The following WWTR1 variants were observed in gnomAD, a reference collection of about 807,000 sequenced individuals.
WWTR1 encodes the protein WW domain-containing transcription regulator protein 1.
A neutral mutation model predicts 40.1 loss-of-function variants in WWTR1; 13 were observed. The observed-to-expected ratio is 0.32, with a 90% CI of 0.21 to 0.52. The LOEUF is 0.52. Among genes scored for constraint, WWTR1 ranks in the 20% least tolerant of loss-of-function variants. The pLI is 0.97. For synonymous variants in WWTR1, 230 were observed against 210.1 expected (o/e 1.09, Z -0.82); for missense variants, 436 against 523.1 (o/e 0.83, Z 1.63).
At chr3:149,679,244 T>A (rs926194517) in intron 1 of WWTR1, among the ~76,000 whole-genome samples, 1 of 152,258 alleles carries the variant, frequency 6.6e-6, no homozygotes, top group South Asian at 2.1e-4. Context: ...CATTTTGGAA[T>A]ACCAAGTTAA....
intron 1 of WWTR1, among the ~76,000 whole-genome samples, chr3:149,679,326 C>T (rs1202764335): frequency 9.9e-5 from 15 of 152,164 alleles, no homozygotes; most frequent in Non-Finnish European, 2.2e-4. Context: ...ATTTCCACAT[C>T]AGAAAATTAG....
At chr3:149,663,623 G>T (rs1203338133) in intron 2 of WWTR1, among the ~76,000 whole-genome samples, 1 of 152,086 alleles carries the variant, frequency 6.6e-6, no homozygotes, top group East Asian at 1.9e-4. Context: ...TTGAACCCAG[G>T]AGGCGGAGGC....
rs1560054356 is a variant in WWTR1 at position 149,547,353 on chromosome 3, C to T, written c.569-4816G>A. ...CAGCCTGGCCAACACAGTAAAACCC[C>T]GTCTCTACTAAAAATACAAAAAATT... is the stretch of plus-strand genomic sequence containing the variant. On this transcript the variant is annotated intron_variant, in intron 3 of 6. Transcript: ENST00000360632. Among the ~76,000 whole-genome samples, 3 of 151,736 alleles carry T rather than the reference C, an allele frequency of 2.0e-5. No homozygotes were observed. In the East Asian group the frequency reaches 5.8e-4, roughly 29 times the overall value.
chr3:149,548,239 G>C (rs1360063593), intron 3 of WWTR1, among the ~76,000 whole-genome samples: 1 of 152,130 alleles, frequency 6.6e-6, no homozygotes, highest in Non-Finnish European at 1.5e-5. Context: ...AAAGGTAAAG[G>C]CTTCAATCCT....
intron 2 of WWTR1, among the ~76,000 whole-genome samples, chr3:149,585,154 G>GTGTGTGTGTGTGT: frequency 6.6e-6 from 1 of 151,450 alleles, no homozygotes. Flanking sequence ...GTGTGTGTGT[G>GTGTGTGTGTGTGT]TTTAAGATGG....
At chr3:149,707,801 T>C (rs1156495575), upstream of WWTR1, among the ~76,000 whole-genome samples, 10 of 152,030 alleles carry the variant, frequency 6.6e-5, no homozygotes, top group Admixed American at 6.6e-4. Context: ...TGTCTCTTAC[T>C]GAACTTGCAA....
Position 149,560,135 on chromosome 3 carries a change from A to G in WWTR1, c.568+12729T>C, listed in dbSNP as rs553850855. On this transcript the variant is annotated intron_variant, in intron 3 of 6. Coordinates refer to ENST00000360632, the MANE Select transcript of WWTR1 (RefSeq NM_015472.6). ...ATTTAGGTCTTCTTGATAGGAGGAA[A>G]AATGAGCAAGCTAAGAGTGGAGGAT... 5.0e-4 allele frequency among the ~76,000 whole-genome samples: 76 copies of G among 152,338 alleles called. No individual in the cohort carries two copies. The Middle Eastern group carries it at 0.031, about 61-fold the overall frequency.
chr3:149,549,547 G>C lies in WWTR1; in HGVS notation c.569-7010C>G, dbSNP rs1028478855. ...AGCCTAAGGAGATATGATGAGTAAA[G>C]GTAATGGGGGCTGAGCGCCATGGCT... On this transcript the variant is annotated intron_variant, in intron 3 of 6. Coordinates refer to ENST00000360632, the MANE Select transcript of WWTR1 (RefSeq NM_015472.6). Among the ~76,000 whole-genome samples, 13 of 152,326 alleles carry C rather than the reference G, an allele frequency of 8.5e-5. 1 individual carries two copies. The highest frequency in any genetic ancestry group is 5.9e-4 in the Admixed American group (9 of 15,300).
At chr3:149,716,871 C>T (rs1446761577) in intron 5 of WWTR1, among the ~76,000 whole-genome samples, 1 of 152,056 alleles carries the variant, frequency 6.6e-6, no homozygotes, top group East Asian at 1.9e-4. Flanking sequence ...TGTGGGCATA[C>T]AGTCACAAGA....
chr3:149,693,244 A>G (rs1203518192), intron 1 of WWTR1, among the ~76,000 whole-genome samples: 3 of 152,218 alleles, frequency 2.0e-5, no homozygotes, highest in African/African-American at 7.2e-5. Flanking sequence ...ACTATAAATA[A>G]AATTAGATAC....
intron 2 of WWTR1, among the ~76,000 whole-genome samples, chr3:149,618,340 G>T (rs1576600452): frequency 6.6e-6 from 1 of 152,194 alleles, no homozygotes; most frequent in East Asian, 1.9e-4. Context: ...CAGACACTGA[G>T]GCGCTGGTAC....
At chr3:149,676,694 G>C (rs1408730427) in intron 1 of WWTR1, among the ~76,000 whole-genome samples, 1 of 152,094 alleles carries the variant, frequency 6.6e-6, no homozygotes, top group African/African-American at 2.4e-5. Context: ...TTCTAAACCG[G>C]GTCTGCCTAT....
intron 3 of WWTR1, among the ~76,000 whole-genome samples, chr3:149,559,993 T>C (rs1044882552): frequency 1.3e-5 from 2 of 152,132 alleles, no homozygotes; most frequent in Non-Finnish European, 2.9e-5. Flanking sequence ...ACACCCAGAA[T>C]AGGAAATTGC....
intron 2 of WWTR1, among the ~76,000 whole-genome samples, chr3:149,628,314 G>GA (rs1180567851): frequency 1.3e-5 from 2 of 152,064 alleles, no homozygotes; most frequent in East Asian, 1.9e-4. Context: ...AGCTTGCGGT[G>GA]GCCGAGATCA....
chr3:149,546,292 G>A (rs1736361330), intron 3 of WWTR1, among the ~76,000 whole-genome samples: 1 of 152,240 alleles, frequency 6.6e-6, no homozygotes, highest in South Asian at 2.1e-4. Flanking sequence ...CAACAGAGCA[G>A]TTTGTACAAG....
intron 3 of WWTR1, among the ~76,000 whole-genome samples, chr3:149,543,888 A>G (rs1453992942): frequency 6.7e-6 from 1 of 150,006 alleles, no homozygotes; most frequent in Admixed American, 6.7e-5. Flanking sequence ...TTAACTTTAA[A>G]ACATTTTATA....
intron 1 of WWTR1, among the ~76,000 whole-genome samples, chr3:149,676,268 C>A (rs77067064): frequency 1.3e-5 from 2 of 151,910 alleles, no homozygotes. Context: ...GGGAAAGAGA[C>A]AAAAAAAATC....
chr3:149,641,518 T>C (rs1487074345), intron 2 of WWTR1, among the ~76,000 whole-genome samples: 1 of 152,214 alleles, frequency 6.6e-6, no homozygotes, highest in Non-Finnish European at 1.5e-5. Context: ...TTTTCAACAA[T>C]TAACTAGGGC....
At chr3:149,651,531 A>C (rs1018958262) in intron 2 of WWTR1, among the ~76,000 whole-genome samples, 3 of 152,230 alleles carry the variant, frequency 2.0e-5, no homozygotes, top group Non-Finnish European at 4.4e-5. Flanking sequence ...TTGAGATCAT[A>C]ATAATGGCAA....
Sources: allele counts gnomAD v4.1 joint callset (sites outside exome capture counted in the v4.1 genomes callset), GRCh38; gene constraint gnomAD v4.1.1; transcripts MANE v1.5; gene names NCBI Gene and HGNC (gene_info 2026-07-23, HGNC 2026-07-21).